EIF4ENIF1: variants seen among roughly 807,000 people sequenced by gnomAD.
The protein encoded by EIF4ENIF1 is eukaryotic translation initiation factor 4E transporter.
A neutral mutation model predicts 110.5 loss-of-function variants in EIF4ENIF1; 23 were observed. The observed-to-expected ratio is 0.21, with a 90% CI of 0.15 to 0.29. The LOEUF is 0.29. Ranked by LOEUF, EIF4ENIF1 falls within the 10% of genes least tolerant of loss-of-function variation. EIF4ENIF1 has a pLI of 1.00. For missense variants in EIF4ENIF1, 1,031 were observed against 1,221.1 expected (o/e 0.84, Z 2.32); for synonymous variants, 440 against 437.0 (o/e 1.01, Z -0.09).
intron 17 of EIF4ENIF1, 67 bp from the exon 18 acceptor site, chr22:31,440,935 G>A (rs2050274140): frequency 1.9e-6 from 3 of 1,579,614 alleles, no homozygotes; most frequent in South Asian, 2.3e-5. Flanking sequence ...CAGCTTCACT[G>A]TACAGTTTTG....
At chr22:31,482,839 T>C (rs557573469) in intron 2 of EIF4ENIF1, among the ~76,000 whole-genome samples, 13 of 150,578 alleles carry the variant, frequency 8.6e-5, no homozygotes, top group Non-Finnish European at 1.9e-4. Context: ...CTGGCCAACA[T>C]GGTGAAACCC....
chr22:31,442,027 CG>C lies in EIF4ENIF1; in HGVS notation c.2297del (p.Ser766CysfsTer94). The stretch of plus-strand genomic sequence containing the variant: ...TGGCCTGGGACAGTGGGGTGGAACA[CG>C]AAGACCTCTGTAATGCTGACAGTTT... ...NSKLSALQRS[S>X]CSTPLSQANR... On this transcript the variant is annotated frameshift_variant, in exon 17 of 19. Coordinates refer to ENST00000330125, the MANE Select transcript of EIF4ENIF1 (RefSeq NM_019843.4). LOFTEE classifies it high-confidence loss of function. The C allele has an allele frequency of 6.2e-7, 1 of 1,614,096 alleles. No individual in the cohort carries two copies. The highest frequency in any genetic ancestry group is 8.5e-7 in the Non-Finnish European group (1 of 1,180,020).
At chr22:31,446,455 G>T (rs1235488817) in intron 14 of EIF4ENIF1, among the ~76,000 whole-genome samples, 1 of 152,032 alleles carries the variant, frequency 6.6e-6, no homozygotes, top group Non-Finnish European at 1.5e-5. Context: ...CTTGTGTAAG[G>T]CTATCTCCTG....
Position 31,441,861 on chromosome 22 carries a change from G to T in EIF4ENIF1, c.2464C>A (p.Pro822Thr). Reference sequence around the variant, plus strand: ...AACCCTGGGTGAAGCTGGTGAGCAGGCCTAACCATAGGGACATGGGGGACA... The same window carrying T: ...AACCCTGGGTGAAGCTGGTGAGCAGTCCTAACCATAGGGACATGGGGGACA... The part of the protein sequence containing the change: ...PLVPHVPMVR[P>T]AHQLHPGLVQ... The change falls in exon 17 of 19, where the codon CCT (proline) becomes ACT (threonine). Residue 822 changes from proline to threonine, a missense_variant. This residue lies in a region of EIF4ENIF1 where 309 missense variants were observed against 299.1 expected (regional missense o/e 1.03). Coordinates refer to ENST00000330125, the MANE Select transcript of EIF4ENIF1 (RefSeq NM_019843.4). 1.2e-6 allele frequency: 2 copies of T among 1,614,148 alleles called. No individual in the cohort carries two copies. The highest frequency in any genetic ancestry group is 1.7e-6 in the Non-Finnish European group (2 of 1,180,020).
At chr22:31,464,469 G>C (rs1193297417) in intron 4 of EIF4ENIF1, among the ~76,000 whole-genome samples, 1 of 151,070 alleles carries the variant, frequency 6.6e-6, no homozygotes, top group East Asian at 1.9e-4. Flanking sequence ...CACGAGGTTA[G>C]GAGTTCAAGA....
chr22:31,450,811 TATACACACATAC>T (rs575070240), intron 10 of EIF4ENIF1: 91 of 183,464 alleles, frequency 5.0e-4, no homozygotes, highest in African/African-American at 1.4e-3. Context: ...TACACATACA[TATACACACATAC>T]ATACACACAT....
rs374299027 is a variant in EIF4ENIF1 at position 31,473,547 on chromosome 22, T to C, written c.97-1630A>G. Reference sequence around the variant, plus strand: ...GAACATTTCTACAACTTTTGTCTCTTATGATAGTGACATTTCTAGAAAATA... The same window carrying C: ...GAACATTTCTACAACTTTTGTCTCTCATGATAGTGACATTTCTAGAAAATA... On this transcript the variant is annotated intron_variant, in intron 2 of 18. Transcript: ENST00000330125. Among the ~76,000 whole-genome samples the C allele has an allele frequency of 4.6e-5, 7 of 152,314 alleles. No homozygotes were observed. The East Asian group carries it at 1.2e-3, about 25-fold the overall frequency.
intron 4 of EIF4ENIF1, among the ~76,000 whole-genome samples, chr22:31,467,222 C>A (rs1032661366): frequency 1.3e-5 from 2 of 152,098 alleles, no homozygotes; most frequent in Admixed American, 1.3e-4. Context: ...AGAATAAATT[C>A]TTTGAGAGAC....
intron 10 of EIF4ENIF1, chr22:31,450,811 TATACACACATACATAC>T (rs1285841106): frequency 1.1e-5 from 2 of 183,362 alleles, no homozygotes; most frequent in Admixed American, 1.2e-4. Context: ...TACACATACA[TATACACACATACATAC>T]ACACATATAT....
chr22:31,470,405 C>T (rs1469279356), intron 3 of EIF4ENIF1, among the ~76,000 whole-genome samples: 1 of 151,654 alleles, frequency 6.6e-6, no homozygotes, highest in East Asian at 2.0e-4. Flanking sequence ...CTCAGCCTCC[C>T]GAGTAGCTGG....
At chr22:31,488,776 C>T (rs1241810588) in intron 1 of EIF4ENIF1, 31 bp from the exon 2 acceptor site, 2 of 1,567,224 alleles carry the variant, frequency 1.3e-6, no homozygotes, top group South Asian at 1.2e-5. Context: ...AAATTGTCAC[C>T]GAGAACAGTA....
intron 4 of EIF4ENIF1, among the ~76,000 whole-genome samples, chr22:31,465,491 T>C (rs1297606854): frequency 2.6e-4 from 40 of 152,216 alleles, no homozygotes; most frequent in South Asian, 2.1e-4. Context: ...TACACGCCTA[T>C]TACAATGGCT....
At chr22:31,474,597 G>C (rs1048474462) in intron 2 of EIF4ENIF1, among the ~76,000 whole-genome samples, 9 of 151,138 alleles carry the variant, frequency 6.0e-5, no homozygotes, top group Admixed American at 5.9e-4. Flanking sequence ...TTCTTTAAGT[G>C]AGGAATTGCA....
chr22:31,482,049 T>TA (rs1232864582), intron 2 of EIF4ENIF1, among the ~76,000 whole-genome samples: 1 of 151,766 alleles, frequency 6.6e-6, no homozygotes, highest in Non-Finnish European at 1.5e-5. Context: ...CACACACCTG[T>TA]AGTCCTAGCT....
chr22:31,477,370 AAAAAC>A (rs534047963), intron 2 of EIF4ENIF1, among the ~76,000 whole-genome samples: 2 of 84,312 alleles, frequency 2.4e-5, no homozygotes, highest in Admixed American at 1.2e-4. Context: ...AAAAAAAAAA[AAAAAC>A]AAAAAAAACA....
chr22:31,474,478 A>G (rs927765828), intron 2 of EIF4ENIF1, among the ~76,000 whole-genome samples: 12 of 148,080 alleles, frequency 8.1e-5, no homozygotes, highest in African/African-American at 3.0e-4. Flanking sequence ...GTCTTTTTCA[A>G]CATGCCATCT....
chr22:31,486,590 C>T (rs975551074), intron 2 of EIF4ENIF1, among the ~76,000 whole-genome samples: 1 of 150,810 alleles, frequency 6.6e-6, no homozygotes. Flanking sequence ...ACCAGCCTGG[C>T]CAACATGGCA....
Position 31,439,760 on chromosome 22 carries a change from A to AC in EIF4ENIF1, c.*119dup. ...GGACCACACCAGATGCATGGGTTCC[A>AC]CCAAACAGCTTCACACAGAGTGCTC... On this transcript the variant is annotated 3_prime_UTR_variant, in exon 19 of 19. Transcript: ENST00000330125. 7.0e-7 allele frequency: 1 copy of AC among 1,430,192 alleles called. No homozygotes were observed. The highest frequency in any genetic ancestry group is 9.3e-7 in the Non-Finnish European group (1 of 1,075,180). The allele number at this position is 1,430,192 out of a possible 1,614,324, so 88.6% of individuals were successfully genotyped here.
chr22:31,438,504 T>C (rs2050206187), downstream of EIF4ENIF1, among the ~76,000 whole-genome samples: 1 of 152,152 alleles, frequency 6.6e-6, no homozygotes, highest in Non-Finnish European at 1.5e-5. Context: ...GTAAACATGA[T>C]TTGTTTGAGA....
Sources: allele counts gnomAD v4.1 joint callset (sites outside exome capture counted in the v4.1 genomes callset), GRCh38; gene constraint gnomAD v4.1.1; regional missense constraint gnomAD v4.1.1; transcripts MANE v1.5; gene names NCBI Gene and HGNC (gene_info 2026-07-23, HGNC 2026-07-21).